NDUFA10: variants seen among roughly 807,000 people sequenced by gnomAD.
NDUFA10 encodes NADH dehydrogenase [ubiquinone] 1 alpha subcomplex subunit 10, mitochondrial.
In NDUFA10, 40 loss-of-function variants were observed where a neutral mutation model predicts 47.8. That is an observed-to-expected ratio of 0.84 (90% CI 0.65 to 1.09). NDUFA10 has a LOEUF of 1.09. NDUFA10 is among the 50% of genes least tolerant of loss of function. NDUFA10 has a pLI of 0.00. For synonymous variants in NDUFA10, 183 were observed against 172.2 expected (o/e 1.06, Z -0.49); for missense variants, 413 against 451.1 (o/e 0.92, Z 0.76).
chr2:239,915,299 GA>G (rs1693840333), intron 4 of NDUFA10, among the ~76,000 whole-genome samples: 1 of 141,612 alleles, frequency 7.1e-6, no homozygotes, highest in Non-Finnish European at 1.5e-5. Flanking sequence ...CACAGACAGA[GA>G]GACAGAGATA....
At chr2:239,916,884 C>T (rs1574777166) in intron 4 of NDUFA10, among the ~76,000 whole-genome samples, 3 of 152,386 alleles carry the variant, frequency 2.0e-5, no homozygotes, top group Admixed American at 2.0e-4. Flanking sequence ...ATGTCTCAAC[C>T]CCTGGGGTCA....
chr2:240,017,977 TCA>T (rs1697434911), intron 4 of NDUFA10: 1 of 1,305,098 alleles, frequency 7.7e-7, no homozygotes, highest in Admixed American at 2.0e-5. Flanking sequence ...ACAGTCCTAG[TCA>T]CAGACACCCC....
chr2:239,949,792 G>GA (rs1694521888), intron 4 of NDUFA10, among the ~76,000 whole-genome samples: 1 of 152,200 alleles, frequency 6.6e-6, no homozygotes, highest in Non-Finnish European at 1.5e-5. Context: ...CTGGCCTGTT[G>GA]AGGTGGGACA....
intron 2 of NDUFA10, among the ~76,000 whole-genome samples, chr2:240,021,880 C>T (rs375630379): frequency 2.0e-5 from 3 of 152,148 alleles, no homozygotes; most frequent in African/African-American, 7.2e-5. Flanking sequence ...AGTTCAAACA[C>T]GACAGTTTAT....
At chr2:240,018,263 TCTAA>T in intron 4 of NDUFA10, 1 of 735,158 alleles carries the variant, frequency 1.4e-6, no homozygotes, top group Non-Finnish European at 2.2e-6. Flanking sequence ...CGGGGGAGGT[TCTAA>T]CGGGAGGCTG....
chr2:239,993,210 C>T (rs1320165607), intron 8 of NDUFA10, among the ~76,000 whole-genome samples: 1 of 152,218 alleles, frequency 6.6e-6, no homozygotes, highest in Non-Finnish European at 1.5e-5. Flanking sequence ...AACCAACACA[C>T]ATTTCACACT....
In NDUFA10 at chr2:240,021,377, G is replaced by A; in HGVS notation, c.280C>T (p.Pro94Ser). The A allele has an allele frequency of 6.2e-7, 1 of 1,614,196 alleles. No homozygotes were observed. The part of the protein sequence containing the change: ...KHFPEAGIHY[P>S]DSTTGDGKPL... Reference sequence around the variant, plus strand: ...TTCCCATCTCCTGTGGTACTGTCTGGATAATGAATCCCCGCTTCAGGAAAG... The same window carrying A: ...TTCCCATCTCCTGTGGTACTGTCTGAATAATGAATCCCCGCTTCAGGAAAG... Residue 94 changes from proline to serine, a missense_variant, in exon 3 of 10, where the codon CCA (proline) becomes TCA (serine). Pro to Ser is a moderately conservative substitution (Grantham distance 74). Coordinates refer to ENST00000252711, the MANE Select transcript of NDUFA10 (RefSeq NM_004544.4).
At chr2:239,981,066 G>A (rs1229158740) in intron 9 of NDUFA10, among the ~76,000 whole-genome samples, 1 of 152,250 alleles carries the variant, frequency 6.6e-6, no homozygotes, top group Non-Finnish European at 1.5e-5. Flanking sequence ...AGGAATCTGA[G>A]GCCTGGCAGC....
At chr2:239,956,173 C>T (rs1694648222), downstream of NDUFA10, among the ~76,000 whole-genome samples, 1 of 152,218 alleles carries the variant, frequency 6.6e-6, no homozygotes, top group Admixed American at 6.5e-5. Flanking sequence ...CTGTCAGGAA[C>T]AAGCAGCGCT....
At chr2:240,022,103 A>G (rs1386112995) in intron 2 of NDUFA10, 69 bp downstream of exon 2, 1 of 1,407,144 alleles carries the variant, frequency 7.1e-7, no homozygotes, top group Non-Finnish European at 9.8e-7. Context: ...AATATTGAAG[A>G]AAAACCAGTG....
At chr2:239,932,924 C>A (rs181162720) in intron 4 of NDUFA10, among the ~76,000 whole-genome samples, 140 of 152,318 alleles carry the variant, frequency 9.2e-4, no homozygotes, top group African/African-American at 3.1e-3. Flanking sequence ...CATTTATTTA[C>A]AAACCATTTT....
chr2:239,962,037 G>A (rs947475458), intron 9 of NDUFA10, among the ~76,000 whole-genome samples: 22 of 152,200 alleles, frequency 1.4e-4, no homozygotes, highest in African/African-American at 4.6e-4. Context: ...GAGGGTAGGC[G>A]GCCAGCACAG....
chr2:239,904,743 G>T (rs893037167), intron 4 of NDUFA10, among the ~76,000 whole-genome samples: 1 of 152,222 alleles, frequency 6.6e-6, no homozygotes, highest in Non-Finnish European at 1.5e-5. Context: ...CATCAGGCGG[G>T]GTGCTTACAA....
intron 4 of NDUFA10, among the ~76,000 whole-genome samples, chr2:239,904,902 G>A (rs1193452450): frequency 6.6e-6 from 1 of 152,164 alleles, no homozygotes; most frequent in African/African-American, 2.4e-5. Flanking sequence ...TGGTGGAATG[G>A]CTCCGATCCC....
chr2:239,959,857 G>T lies in NDUFA10; in HGVS notation c.*1261C>A. On this transcript the variant is annotated 3_prime_UTR_variant, in exon 10 of 10. Transcript: ENST00000252711. ...AGAAGGAGGGAAGGAAGGGGAGAGG[G>T]AAAAAGGCAGGCGGACGCAAGGAGG... is the stretch of plus-strand genomic sequence containing the variant. The T allele has an allele frequency of 1.0e-6, 1 of 963,860 alleles. No homozygotes were observed. 59.7% of individuals were successfully genotyped at this position (963,860 alleles called of 1,614,324 possible). A position where few individuals can be genotyped will look rare whatever the true frequency, so the allele number is the denominator to read the frequency against.
intron 9 of NDUFA10, among the ~76,000 whole-genome samples, chr2:239,961,590 C>T (rs1011986890): frequency 6.6e-5 from 10 of 152,204 alleles, no homozygotes; most frequent in African/African-American, 1.9e-4. Context: ...ACTGAAACAC[C>T]GAGTTCTCTC....
intron 4 of NDUFA10, among the ~76,000 whole-genome samples, chr2:239,912,479 G>A (rs1242503126): frequency 6.6e-6 from 1 of 152,250 alleles, no homozygotes; most frequent in East Asian, 1.9e-4. Flanking sequence ...ACATGCTGGA[G>A]CCAGGCGAGA....
chr2:239,961,213 TTC>T, intron 9 of NDUFA10, 27 bp from the exon 10 acceptor site: 2 of 1,614,112 alleles, frequency 1.2e-6, no homozygotes, highest in Non-Finnish European at 1.7e-6. Flanking sequence ...CATTGGTGCA[TTC>T]TGTTTAACGT....
chr2:239,915,068 T>C (rs201748196), intron 4 of NDUFA10, among the ~76,000 whole-genome samples: 16 of 104,044 alleles, frequency 1.5e-4, no homozygotes, highest in East Asian at 8.9e-4. Context: ...CACACACAAA[T>C]ATACAGACAC....
Sources: allele counts gnomAD v4.1 joint callset (sites outside exome capture counted in the v4.1 genomes callset), GRCh38; gene constraint gnomAD v4.1.1; transcripts MANE v1.5; gene names NCBI Gene and HGNC (gene_info 2026-07-23, HGNC 2026-07-21).